The following TIAM1 variants were observed in gnomAD, a reference collection of about 807,000 sequenced individuals.
TIAM1 encodes TIAM Rac1 associated GEF 1, also known as rho guanine nucleotide exchange factor TIAM1.
TIAM1 carries 65 observed loss-of-function variants against 163.5 expected under a neutral mutation model. The observed-to-expected ratio is 0.40, with a 90% CI of 0.33 to 0.49. The LOEUF (loss-of-function observed/expected upper bound fraction) is 0.49. TIAM1 is among the 20% of genes least tolerant of loss of function. The pLI is 0.77. For missense variants in TIAM1, 1,789 were observed against 2,044.7 expected (o/e 0.87, Z 2.41); for synonymous variants, 833 against 810.1 (o/e 1.03, Z -0.48).
At chr21:31,151,752 G>C (rs1012645392) in intron 19 of TIAM1, among the ~76,000 whole-genome samples, 1 of 152,086 alleles carries the variant, frequency 6.6e-6, no homozygotes, top group African/African-American at 2.4e-5. Flanking sequence ...ATCTGTTAAA[G>C]CACATGAGGG....
chr21:31,226,884 T>C (rs1320402053), intron 6 of TIAM1, among the ~76,000 whole-genome samples: 1 of 152,098 alleles, frequency 6.6e-6, no homozygotes, highest in Non-Finnish European at 1.5e-5. Flanking sequence ...TTCATTGTTT[T>C]TTCTCCTTTG....
intron 1 of TIAM1, among the ~76,000 whole-genome samples, chr21:31,485,194 G>A (rs2147403907): frequency 6.6e-6 from 1 of 152,318 alleles, no homozygotes; most frequent in South Asian, 2.1e-4. Flanking sequence ...AGACTGAAGA[G>A]CAAGTGTAGA....
intron 6 of TIAM1, among the ~76,000 whole-genome samples, chr21:31,232,838 A>G (rs2088515539): frequency 6.6e-6 from 1 of 152,176 alleles, no homozygotes; most frequent in African/African-American, 2.4e-5. Flanking sequence ...TCCATTAAAC[A>G]AACAGCAGCA....
intron 10 of TIAM1, among the ~76,000 whole-genome samples, chr21:31,210,532 G>GGAAAAGAAAGAAAGAAA (rs2086669874): frequency 1.9e-5 from 1 of 51,518 alleles, no homozygotes; most frequent in East Asian, 6.6e-4. Flanking sequence ...AGGGAAGGAA[G>GGAAAAGAAAGAAAGAAA]GAAAAGAAAG....
At chr21:31,199,066 T>G (rs1017101985) in intron 12 of TIAM1, among the ~76,000 whole-genome samples, 1 of 152,250 alleles carries the variant, frequency 6.6e-6, no homozygotes, top group African/African-American at 2.4e-5. Flanking sequence ...TTTTATTAAA[T>G]CAATAATGTT....
intron 20 of TIAM1, among the ~76,000 whole-genome samples, chr21:31,142,776 C>T (rs1362312474): frequency 2.6e-5 from 4 of 152,154 alleles, no homozygotes; most frequent in Admixed American, 2.0e-4. Flanking sequence ...AACTCGGTGG[C>T]ACCACCTGTG....
rs530854903 is a variant in TIAM1, at chr21:31,494,120, G to A, written c.-421-30085C>T. 2.0e-5 allele frequency among the ~76,000 whole-genome samples: 3 copies of A among 152,220 alleles called. No individual in the cohort carries two copies. The East Asian group carries it at 5.8e-4, about 29-fold the overall frequency. On this transcript the variant is annotated intron_variant, in intron 1 of 28. Coordinates refer to the TIAM1 transcript ENST00000286827. ...ATAGAGACAGGGTTTTGCCATGTTA[G>A]CCAGGCTGGTCTCGAACTCCTGATC... is the stretch of plus-strand genomic sequence containing the variant.
intron 9 of TIAM1, among the ~76,000 whole-genome samples, 189 bp downstream of exon 9, chr21:31,217,364 C>A (rs1312023659): frequency 6.6e-6 from 1 of 152,132 alleles, no homozygotes; most frequent in Admixed American, 6.5e-5. Flanking sequence ...TGGTGATAGA[C>A]TAATAGCAGA....
chr21:31,219,479 T>C (rs1234585008), intron 8 of TIAM1, among the ~76,000 whole-genome samples: 6 of 152,208 alleles, frequency 3.9e-5, no homozygotes, highest in Admixed American at 6.5e-5. Context: ...TGAGGCACTG[T>C]TGGTAACATG....
intron 2 of TIAM1, among the ~76,000 whole-genome samples, chr21:31,388,886 A>G (rs2076923514): frequency 6.6e-6 from 1 of 152,268 alleles, no homozygotes; most frequent in Non-Finnish European, 1.5e-5. Flanking sequence ...AAAAGCAAGA[A>G]GACAAGGGGA....
At chr21:31,125,700 A>T (rs2082170576) in intron 26 of TIAM1, among the ~76,000 whole-genome samples, 2 of 152,128 alleles carry the variant, frequency 1.3e-5, no homozygotes. Flanking sequence ...TCAGCCTCCC[A>T]ACTAGCTGGG....
chr21:31,451,722 T>C (rs11910275), intron 2 of TIAM1, among the ~76,000 whole-genome samples: 9,301 of 42,836 alleles, frequency 0.22, 630 homozygotes, highest in South Asian at 0.44. Flanking sequence ...TGTGTGCGTG[T>C]GTGTGTGTGT....
intron 15 of TIAM1, among the ~76,000 whole-genome samples, chr21:31,176,509 G>A (rs2146413965): frequency 6.6e-6 from 1 of 152,176 alleles, no homozygotes; most frequent in Non-Finnish European, 1.5e-5. Flanking sequence ...AGGAAACTGA[G>A]TCTTACAGAG....
chr21:31,284,452 G>T (rs566291014), intron 2 of TIAM1, among the ~76,000 whole-genome samples: 13 of 152,134 alleles, frequency 8.5e-5, no homozygotes, highest in Admixed American at 3.3e-4. Context: ...CACACAGCAG[G>T]GGGGGTGGAG....
intron 13 of TIAM1, among the ~76,000 whole-genome samples, chr21:31,194,607 C>G (rs554616854): frequency 6.6e-6 from 1 of 152,302 alleles, no homozygotes; most frequent in Admixed American, 6.5e-5. Context: ...AATGGAATCA[C>G]TCATGCTGGA....
intron 12 of TIAM1, among the ~76,000 whole-genome samples, chr21:31,201,035 T>C (rs943441056): frequency 2.6e-5 from 4 of 152,198 alleles, no homozygotes; most frequent in African/African-American, 4.8e-5. Flanking sequence ...TTAAAAATAA[T>C]GAGTCCATAC....
chr21:31,304,080 C>T lies in TIAM1; in HGVS notation c.-188-27172G>A, dbSNP rs531265387. On this transcript the variant is annotated intron_variant, in intron 2 of 27. Coordinates refer to ENST00000541036, the MANE Select transcript of TIAM1 (RefSeq NM_001353694.2). Reference sequence around the variant, plus strand: ...TTCAAAAGCAACGAAATAGAAGATGCTGGCTTGGTGGGGCTTCTGAGGGCT... The same window carrying T: ...TTCAAAAGCAACGAAATAGAAGATGTTGGCTTGGTGGGGCTTCTGAGGGCT... 4.6e-5 allele frequency among the ~76,000 whole-genome samples: 7 copies of T among 152,322 alleles called. No individual in the cohort carries two copies. The East Asian group carries it at 1.3e-3, about 29-fold the overall frequency.
chr21:31,284,712 G>T (rs560000402), intron 2 of TIAM1, among the ~76,000 whole-genome samples: 1 of 151,868 alleles, frequency 6.6e-6, no homozygotes, highest in African/African-American at 2.4e-5. Flanking sequence ...TTTTAGTAGT[G>T]ATGGGGTTTC....
intron 2 of TIAM1, among the ~76,000 whole-genome samples, chr21:31,400,577 G>C (rs1461661368): frequency 6.6e-6 from 1 of 152,158 alleles, no homozygotes; most frequent in Non-Finnish European, 1.5e-5. Flanking sequence ...TTAGCTCATG[G>C]AATCCTCTCA....
Sources: gnomAD v4.1 joint callset for allele counts (sites outside exome capture counted in the v4.1 genomes callset) on GRCh38, gnomAD v4.1.1 for gene constraint, MANE v1.5 for transcripts, NCBI Gene and HGNC (gene_info 2026-07-23, HGNC 2026-07-21) for gene names.